ZDHHC15: variants seen among roughly 807,000 people sequenced by gnomAD.
ZDHHC15 encodes the protein zDHHC palmitoyltransferase 15.
A neutral mutation model predicts 31.7 loss-of-function variants in ZDHHC15; 19 were observed. The ratio of observed to expected loss-of-function variants is 0.60; its 90% CI spans 0.42 to 0.88. ZDHHC15 has a LOEUF of 0.88. ZDHHC15 is among the 40% of genes least tolerant of loss of function. The pLI, the probability that ZDHHC15 is intolerant of heterozygous loss-of-function variation, is 0.00. For synonymous variants in ZDHHC15, 103 were observed against 90.0 expected, an observed-to-expected ratio of 1.14 and a Z score of -0.82; for missense variants, 209 against 251.2, an observed-to-expected ratio of 0.83 and a Z score of 1.14.
intron 2 of ZDHHC15, among the ~76,000 whole-genome samples, chrX:75,487,649 T>C (rs900962497): frequency 2.7e-5 from 3 of 111,942 alleles, no homozygotes; most frequent in African/African-American, 9.7e-5. Context: ...AAGATCACAC[T>C]AGCTCTCCAG....
At chrX:75,452,132 A>G (rs1391008753) in intron 3 of ZDHHC15, among the ~76,000 whole-genome samples, 2 of 108,435 alleles carry the variant, frequency 1.8e-5, no homozygotes, top group Admixed American at 1.0e-4. Context: ...TATTCAGGAG[A>G]CCCATCTCAC....
At chrX:75,518,841 AC>A (rs1408105700) in intron 1 of ZDHHC15, among the ~76,000 whole-genome samples, 2 of 85,589 alleles carry the variant, frequency 2.3e-5, no homozygotes, top group African/African-American at 8.3e-5. Context: ...ACACACACAC[AC>A]ACACAATAGA....
chrX:75,479,042 C>CA, intron 2 of ZDHHC15, 57 bp from the exon 3 acceptor site: 1 of 811,607 alleles, frequency 1.2e-6, no homozygotes, highest in Non-Finnish European at 1.7e-6. Flanking sequence ...TCTAAGAATT[C>CA]AAAAATACAA....
At chrX:75,436,913 G>C (rs191150972) in intron 4 of ZDHHC15, among the ~76,000 whole-genome samples, 1 of 111,923 alleles carries the variant, frequency 8.9e-6, no homozygotes, top group Non-Finnish European at 1.9e-5. Context: ...ACGGAGTCTC[G>C]CTCTGTCGCC....
At chrX:75,451,035 A>G in intron 3 of ZDHHC15, 113 bp from the exon 4 acceptor site, 1 of 902,122 alleles carries the variant, frequency 1.1e-6, no homozygotes, top group Non-Finnish European at 1.5e-6. Context: ...CTTGAAGCTC[A>G]GGTACCACTT....
At chrX:75,401,399 C>A (rs2083355664) in intron 10 of ZDHHC15, among the ~76,000 whole-genome samples, 1 of 111,724 alleles carries the variant, frequency 9.0e-6, no homozygotes, top group Non-Finnish European at 1.9e-5. Flanking sequence ...TCAATACTAA[C>A]CTTGAATGTA....
rs749884686 is a variant in ZDHHC15 at position 75,421,968 on chromosome X, A to G, written c.759T>C (p.Phe253=). Residue 253 remains phenylalanine, a synonymous_variant, in exon 9 of 12, where the codon TTT becomes TTC. Transcript: ENST00000373367. ...TTLEAFCTPV[F]TSGPEKNGFN... ...ACCCATTTTTCTCTGGGCCACTTGT[A>G]AACACTGGAGTGCAGAAGGCCTCTA... 1.1e-5 allele frequency: 13 copies of G among 1,209,904 alleles called. No individual in the cohort carries two copies. The highest frequency in any genetic ancestry group is 8.7e-5 in the Admixed American group (4 of 45,842).
intron 2 of ZDHHC15, among the ~76,000 whole-genome samples, chrX:75,499,077 C>T (rs1465167192): frequency 9.0e-6 from 1 of 111,292 alleles, no homozygotes; most frequent in African/African-American, 3.3e-5. Context: ...AGTTGGCAAG[C>T]CATATGCAGA....
At chrX:75,445,896 C>G (rs2084027161) in intron 4 of ZDHHC15, among the ~76,000 whole-genome samples, 1 of 111,302 alleles carries the variant, frequency 9.0e-6, no homozygotes, top group Admixed American at 9.6e-5. Context: ...CTCTCCAATC[C>G]TGTCTGAAGG....
chrX:75,374,157 C>T (rs751312889), intron 11 of ZDHHC15, among the ~76,000 whole-genome samples: 2 of 109,225 alleles, frequency 1.8e-5, no homozygotes, highest in Admixed American at 2.0e-4. Flanking sequence ...CACATGTTCT[C>T]ACTCATAAGT....
intron 2 of ZDHHC15, among the ~76,000 whole-genome samples, chrX:75,485,619 GGA>G (rs1400258705): frequency 9.0e-6 from 1 of 111,418 alleles, no homozygotes; most frequent in African/African-American, 3.3e-5. Context: ...CCAGCCCACT[GGA>G]GAGAGACGTA....
intron 2 of ZDHHC15, 44 bp downstream of exon 2, chrX:75,505,777 A>G: frequency 8.3e-7 from 1 of 1,200,460 alleles, no homozygotes; most frequent in African/African-American, 1.7e-5. Flanking sequence ...TAGATGAAAA[A>G]AAGGACACGG....
intron 10 of ZDHHC15, among the ~76,000 whole-genome samples, chrX:75,412,369 C>T (rs1174419500): frequency 1.8e-5 from 2 of 111,674 alleles, no homozygotes; most frequent in African/African-American, 6.5e-5. Context: ...ATGGAAACAA[C>T]TGACGTGTCT....
intron 4 of ZDHHC15, among the ~76,000 whole-genome samples, chrX:75,449,274 T>C (rs934484195): frequency 9.4e-6 from 1 of 106,808 alleles, no homozygotes; most frequent in Non-Finnish European, 1.9e-5. Flanking sequence ...GCTCTATTTA[T>C]CTGGAGAACG....
At chrX:75,398,652 G>A (rs746565267) in intron 10 of ZDHHC15, among the ~76,000 whole-genome samples, 12 of 111,734 alleles carry the variant, frequency 1.1e-4, no homozygotes, top group African/African-American at 3.9e-4. Flanking sequence ...TCACTGGGCG[G>A]GACCTCCCAA....
Position 75,369,172 on chromosome X carries a change from G to T in ZDHHC15, c.*3806C>A, listed in dbSNP as rs1013017552. 3.6e-5 allele frequency: 4 copies of T among 112,205 alleles called. No individual in the cohort carries two copies. The highest frequency in any genetic ancestry group is 1.3e-4 in the African/African-American group (4 of 30,865). 9.2% of individuals were successfully genotyped at this position (112,205 alleles called of 1,213,427 possible). ...ATCTCTTAGCTACTCTGAGAGCAGA[G>T]ATTCTGGAATGTATAAATCTAATGT... On this transcript the variant is annotated 3_prime_UTR_variant, in exon 12 of 12. Coordinates refer to ENST00000373367, the MANE Select transcript of ZDHHC15 (RefSeq NM_144969.3).
rs865934495 is a variant in ZDHHC15, at chrX:75,414,595, A to T, written c.967+2492T>A. Among the ~76,000 whole-genome samples the T allele has an allele frequency of 6.6e-4, 51 of 77,653 alleles. 1 individual carries two copies. Among genetic ancestry groups the T allele is most frequent in the African/African-American group, 1.7e-3 (35 of 21,143 alleles). The allele number at this position is 77,653 out of a possible 115,157, so 67.4% of individuals were successfully genotyped here. A position where few individuals can be genotyped will look rare whatever the true frequency, so the allele number is the denominator to read the frequency against. ...CAGGTGCCCGCAACCACGTCTGGCT[A>T]TTTTTTTTTTTTTTTTGTATTTTTA... On this transcript the variant is annotated intron_variant, in intron 10 of 11. Transcript: ENST00000373367.
chrX:75,442,298 G>A (rs746572340), intron 4 of ZDHHC15, among the ~76,000 whole-genome samples: 1 of 111,639 alleles, frequency 9.0e-6, no homozygotes, highest in African/African-American at 3.3e-5. Context: ...GGAAGTTCTG[G>A]CCAGGGTAAT....
chrX:75,383,905 A>AT (rs201037371), intron 10 of ZDHHC15, among the ~76,000 whole-genome samples: 20,480 of 102,206 alleles, frequency 0.2, 2,266 homozygotes, highest in East Asian at 0.84. Flanking sequence ...CACCCAGCTA[A>AT]TTTTTTTTTT....
Sources: gnomAD v4.1 joint callset for allele counts (sites outside exome capture counted in the v4.1 genomes callset) on GRCh38, gnomAD v4.1.1 for gene constraint, MANE v1.5 for transcripts, NCBI Gene and HGNC (gene_info 2026-07-23, HGNC 2026-07-21) for gene names.